XKR6: variants seen among roughly 807,000 people sequenced by gnomAD.
The protein encoded by XKR6 is XK related 6.
Under a neutral mutation model 56.7 loss-of-function variants are expected in XKR6, and 22 were observed. The observed-to-expected ratio is 0.39, with a 90% CI of 0.28 to 0.55. XKR6 has a LOEUF of 0.55. Among genes scored for constraint, XKR6 ranks in the 20% least tolerant of loss-of-function variants. The probability of loss-of-function intolerance (pLI) is 0.66; values close to 1 mark genes in which losing one functional copy is unlikely to be tolerated. For missense variants in XKR6, 852 were observed against 889.0 expected, an observed-to-expected ratio of 0.96 and a Z score of 0.53; for synonymous variants, 524 against 387.8, an observed-to-expected ratio of 1.35 and a Z score of -4.13.
At chr8:10,911,201 T>C (rs1363987838) in intron 2 of XKR6, among the ~76,000 whole-genome samples, 2 of 110,868 alleles carry the variant, frequency 1.8e-5, no homozygotes, top group East Asian at 2.5e-4. Context: ...AGGGTGTGCG[T>C]GTGTGTGTGT....
intron 1 of XKR6, among the ~76,000 whole-genome samples, chr8:11,008,218 C>G (rs1388196967): frequency 1.3e-5 from 2 of 152,150 alleles, no homozygotes; most frequent in Non-Finnish European, 2.9e-5. Context: ...CTTGTCTTCC[C>G]CAATCCATCC....
At chr8:11,197,617 G>A (rs1489573975) in intron 1 of XKR6, among the ~76,000 whole-genome samples, 1 of 152,208 alleles carries the variant, frequency 6.6e-6, no homozygotes, top group Non-Finnish European at 1.5e-5. Flanking sequence ...AGTAATTAGT[G>A]GGAGTAAGGC....
chr8:11,141,840 C>G (rs1055756945), intron 1 of XKR6, among the ~76,000 whole-genome samples: 3 of 152,098 alleles, frequency 2.0e-5, no homozygotes, highest in African/African-American at 7.2e-5. Context: ...GAAGGTAGGA[C>G]AGTAATTATC....
At position 11,165,485 on chromosome 8, in the gene XKR6, C is replaced by A. The variant is rs530048908; in HGVS notation, c.764+35091G>T. ...ACCAAATGATATTTCCAGTTTAAAC[C>A]TGGACACACAAGGTGAGGGCAATGA... On this transcript the variant is annotated intron_variant, in intron 1 of 2. Coordinates refer to ENST00000416569, the MANE Select transcript of XKR6 (RefSeq NM_173683.4). 4.6e-5 allele frequency among the ~76,000 whole-genome samples: 7 copies of A among 152,188 alleles called. No homozygotes were observed. The South Asian group carries it at 1.5e-3, about 32-fold the overall frequency.
intron 1 of XKR6, among the ~76,000 whole-genome samples, chr8:11,115,408 T>C (rs1586564757): frequency 6.6e-6 from 1 of 152,310 alleles, no homozygotes; most frequent in East Asian, 1.9e-4. Flanking sequence ...AATTTAAAAT[T>C]CAGAAATCCT....
intron 1 of XKR6, among the ~76,000 whole-genome samples, chr8:11,185,113 G>A (rs1341508717): frequency 6.6e-6 from 1 of 152,126 alleles, no homozygotes; most frequent in Non-Finnish European, 1.5e-5. Context: ...GGGTGCGGGT[G>A]TGAGTGTGAG....
rs761529505 is a variant in XKR6 at position 10,897,936 on chromosome 8, C to G, written c.*16G>C. ...ACCAAACTTAAGGTCCCCTTCTCAA[C>G]TTGGTCAAGATGCTCTTAGAGTGAA... On this transcript the variant is annotated 3_prime_UTR_variant, in exon 3 of 3. Transcript: ENST00000416569. 8.5e-6 allele frequency: 13 copies of G among 1,536,412 alleles called. No individual in the cohort carries two copies. Among genetic ancestry groups the G allele is most frequent in the Admixed American group, 8.3e-5 (4 of 48,022 alleles).
intron 1 of XKR6, among the ~76,000 whole-genome samples, chr8:11,133,442 A>G (rs1800218249): frequency 6.6e-6 from 1 of 152,098 alleles, no homozygotes; most frequent in South Asian, 2.1e-4. Flanking sequence ...TCCTGGAGAG[A>G]GGGCAAAAAC....
rs555311807 is a variant in XKR6 at position 10,896,450 on chromosome 8, G to C, written c.*1502C>G. 6.6e-6 allele frequency: 1 copy of C among 152,528 alleles called. No individual in the cohort carries two copies. The highest frequency in any genetic ancestry group is 1.5e-5 in the Non-Finnish European group (1 of 68,044). The allele number at this position is 152,528 out of a possible 1,614,324, so 9.4% of individuals were successfully genotyped here. Reference sequence around the variant, plus strand: ...TCCAGAGCCCCCGCCCCCATGCTCTGCTGAACCAAGCCGTGATCCAAGTTC... The same window carrying C: ...TCCAGAGCCCCCGCCCCCATGCTCTCCTGAACCAAGCCGTGATCCAAGTTC... On this transcript the variant is annotated 3_prime_UTR_variant, in exon 3 of 3. Coordinates refer to ENST00000416569, the MANE Select transcript of XKR6 (RefSeq NM_173683.4).
intron 1 of XKR6, among the ~76,000 whole-genome samples, chr8:11,192,855 G>C (rs1409597052): frequency 1.3e-5 from 2 of 152,166 alleles, no homozygotes; most frequent in Non-Finnish European, 2.9e-5. Flanking sequence ...CACAGCTGAA[G>C]TGAGAAAGTC....
At chr8:10,910,975 G>C (rs1463695990) in intron 2 of XKR6, among the ~76,000 whole-genome samples, 1 of 152,134 alleles carries the variant, frequency 6.6e-6, no homozygotes, top group Non-Finnish European at 1.5e-5. Context: ...AGGAGCAACA[G>C]CCCACCAGGC....
chr8:11,121,258 G>C (rs558876141), intron 1 of XKR6, among the ~76,000 whole-genome samples: 1 of 152,050 alleles, frequency 6.6e-6, no homozygotes, highest in African/African-American at 2.4e-5. Context: ...GCAACCTACA[G>C]AATGGGAGAA....
chr8:10,996,329 T>G lies in XKR6; in HGVS notation c.765-71499A>C, dbSNP rs577676672. ...CTCTGGCGGGCCCTCTCCTCCTTGT[T>G]CAGTAATTTCTGCCGCTGCTGACAA... On this transcript the variant is annotated intron_variant, in intron 1 of 2. Coordinates refer to ENST00000416569, the MANE Select transcript of XKR6 (RefSeq NM_173683.4). 3.9e-5 allele frequency among the ~76,000 whole-genome samples: 6 copies of G among 152,274 alleles called. 1 individual carries two copies. Among genetic ancestry groups the G allele is most frequent in the African/African-American group, 1.4e-4 (6 of 41,548 alleles).
intron 1 of XKR6, among the ~76,000 whole-genome samples, chr8:11,046,524 G>T (rs866209335): frequency 7.9e-5 from 12 of 152,236 alleles, no homozygotes; most frequent in South Asian, 2.1e-4. Context: ...GTAGCCAAAA[G>T]GTAGAAGTAA....
intron 1 of XKR6, among the ~76,000 whole-genome samples, chr8:11,146,913 C>A (rs140415540): frequency 3.3e-5 from 5 of 152,022 alleles, no homozygotes; most frequent in Admixed American, 6.5e-5. Context: ...TATGTGGAAT[C>A]TAAAATAGTC....
At chr8:11,079,787 C>T (rs1563122581) in intron 1 of XKR6, among the ~76,000 whole-genome samples, 1 of 152,000 alleles carries the variant, frequency 6.6e-6, no homozygotes, top group East Asian at 1.9e-4. Flanking sequence ...TAAGGAGACC[C>T]CTTGTCATCT....
intron 1 of XKR6, among the ~76,000 whole-genome samples, chr8:10,967,052 G>A (rs978691310): frequency 6.6e-6 from 1 of 152,280 alleles, no homozygotes; most frequent in South Asian, 2.1e-4. Flanking sequence ...GCAACGCAGA[G>A]GCTGCACCCC....
rs550344724 is a variant in XKR6 at position 11,042,622 on chromosome 8, G to C, written c.765-117792C>G. Reference sequence around the variant, plus strand: ...TACTCAGTCTTGGGTATTTCTTCATGGCAATATGAAAATGGATTAGTACAA... The same window carrying C: ...TACTCAGTCTTGGGTATTTCTTCATCGCAATATGAAAATGGATTAGTACAA... On this transcript the variant is annotated intron_variant, in intron 1 of 2. Transcript: ENST00000416569. 2.6e-5 allele frequency among the ~76,000 whole-genome samples: 4 copies of C among 152,288 alleles called. No homozygotes were observed. The South Asian group carries it at 8.3e-4, about 32-fold the overall frequency.
In XKR6 at chr8:10,917,390, T is replaced by C. The variant is rs1586303211; in HGVS notation, c.961+7244A>G. Among the ~76,000 whole-genome samples, 5 of 152,332 alleles carry C rather than the reference T, an allele frequency of 3.3e-5. No homozygotes were observed. In the South Asian group the frequency reaches 1.0e-3, roughly 32 times the overall value. ...CCAGGAGATCCTGCCAAGTGCTGCATGGTGGAGTGGGACCGTGCGACTTTA... is the reference window on the plus strand; with the variant it reads ...CCAGGAGATCCTGCCAAGTGCTGCACGGTGGAGTGGGACCGTGCGACTTTA... On this transcript the variant is annotated intron_variant, in intron 2 of 2. Coordinates refer to ENST00000416569, the MANE Select transcript of XKR6 (RefSeq NM_173683.4).
Sources: allele counts gnomAD v4.1 joint callset (sites outside exome capture counted in the v4.1 genomes callset), GRCh38; gene constraint gnomAD v4.1.1; transcripts MANE v1.5; gene names NCBI Gene and HGNC (gene_info 2026-07-23, HGNC 2026-07-21).